SPOCK3: variants seen among roughly 807,000 people sequenced by gnomAD.
SPOCK3 encodes testican-3.
A neutral mutation model predicts 56.6 loss-of-function variants in SPOCK3; 30 were observed. The ratio of observed to expected loss-of-function variants is 0.53; its 90% CI spans 0.40 to 0.72. The LOEUF is 0.72. SPOCK3 is among the 30% of genes least tolerant of loss of function. The pLI is 0.00. For missense variants in SPOCK3, 527 were observed against 530.0 expected, an observed-to-expected ratio of 0.99 and a Z score of 0.06; for synonymous variants, 196 against 183.3, an observed-to-expected ratio of 1.07 and a Z score of -0.56.
chr4:167,138,440 CTT>C (rs1763285707), intron 2 of SPOCK3, among the ~76,000 whole-genome samples: 1 of 151,764 alleles, frequency 6.6e-6, no homozygotes, highest in Admixed American at 6.6e-5. Context: ...TATACAGAGA[CTT>C]TTAGAGGTGA....
intron 3 of SPOCK3, 62 bp from the exon 4 acceptor site, chr4:167,000,525 A>G: frequency 1.3e-6 from 1 of 766,014 alleles, no homozygotes; most frequent in Non-Finnish European, 2.2e-6. Flanking sequence ...ATCAAATCCC[A>G]TCAAACACAA....
At chr4:166,821,958 T>C (rs2126763853) in intron 6 of SPOCK3, among the ~76,000 whole-genome samples, 1 of 152,196 alleles carries the variant, frequency 6.6e-6, no homozygotes, top group East Asian at 1.9e-4. Flanking sequence ...CAATTAACTA[T>C]CAAATATGTG....
At chr4:167,028,974 A>G (rs1751992560) in intron 3 of SPOCK3, among the ~76,000 whole-genome samples, 1 of 151,960 alleles carries the variant, frequency 6.6e-6, no homozygotes, top group Admixed American at 6.6e-5. Context: ...CAGGTTTGTT[A>G]TATAGGTAAA....
At chr4:166,873,031 C>T (rs1031947185) in intron 6 of SPOCK3, among the ~76,000 whole-genome samples, 6 of 152,190 alleles carry the variant, frequency 3.9e-5, no homozygotes, top group African/African-American at 9.6e-5. Context: ...AGCTCATTCA[C>T]GCCTTTCGGA....
At chr4:166,934,462 C>T (rs1363509204) in intron 4 of SPOCK3, among the ~76,000 whole-genome samples, 1 of 151,828 alleles carries the variant, frequency 6.6e-6, no homozygotes, top group Admixed American at 6.6e-5. Context: ...CGCGCCACTG[C>T]GCTTCAGCCT....
At chr4:167,080,233 G>C (rs1757584559) in intron 2 of SPOCK3, among the ~76,000 whole-genome samples, 1 of 152,050 alleles carries the variant, frequency 6.6e-6, no homozygotes, top group Non-Finnish European at 1.5e-5. Context: ...TTTGCCATCA[G>C]TATTGTCTGA....
chr4:166,814,959 A>T (rs574711171), intron 6 of SPOCK3, among the ~76,000 whole-genome samples: 65 of 152,230 alleles, frequency 4.3e-4, no homozygotes, highest in Non-Finnish European at 7.6e-4. Flanking sequence ...GGACTCAATG[A>T]TGGCTGATAT....
intron 6 of SPOCK3, among the ~76,000 whole-genome samples, chr4:166,806,549 T>C (rs958620728): frequency 1.3e-5 from 2 of 152,000 alleles, no homozygotes; most frequent in Non-Finnish European, 2.9e-5. Context: ...CATGAAAATA[T>C]TATTTTTTAT....
chr4:166,859,276 TAAG>T (rs1228057984), intron 6 of SPOCK3, among the ~76,000 whole-genome samples: 1 of 152,130 alleles, frequency 6.6e-6, no homozygotes, highest in Non-Finnish European at 1.5e-5. Flanking sequence ...GTTCTGTTAT[TAAG>T]TATTATAAAA....
At chr4:166,873,138 C>T (rs893045781) in intron 6 of SPOCK3, among the ~76,000 whole-genome samples, 1 of 150,856 alleles carries the variant, frequency 6.6e-6, no homozygotes, top group African/African-American at 2.4e-5. Context: ...CAAATTTCAA[C>T]ATGAGTTTTG....
At chr4:167,090,792 C>T (rs190512162) in intron 2 of SPOCK3, among the ~76,000 whole-genome samples, 5 of 152,200 alleles carry the variant, frequency 3.3e-5, no homozygotes, top group Middle Eastern at 6.8e-3. Flanking sequence ...CATGAGCCAC[C>T]GAGCTCAGCT....
At chr4:166,893,858 T>C (rs1332468255) in intron 5 of SPOCK3, among the ~76,000 whole-genome samples, 1 of 152,120 alleles carries the variant, frequency 6.6e-6, no homozygotes, top group African/African-American at 2.4e-5. Flanking sequence ...ATAAACAGCA[T>C]TCCTCATATT....
At chr4:166,800,504 G>C (rs569915031) in intron 6 of SPOCK3, among the ~76,000 whole-genome samples, 1 of 152,182 alleles carries the variant, frequency 6.6e-6, no homozygotes, top group Non-Finnish European at 1.5e-5. Flanking sequence ...AAGATGTGGA[G>C]GTGGAAGACA....
At chr4:166,864,251 G>C (rs182274950) in intron 6 of SPOCK3, among the ~76,000 whole-genome samples, 1 of 152,006 alleles carries the variant, frequency 6.6e-6, no homozygotes, top group African/African-American at 2.4e-5. Context: ...AAGAGACAAC[G>C]TACCAGAATC....
At chr4:166,975,889 T>C (rs1232140920) in intron 4 of SPOCK3, among the ~76,000 whole-genome samples, 1 of 152,134 alleles carries the variant, frequency 6.6e-6, no homozygotes, top group Non-Finnish European at 1.5e-5. Context: ...TGTGTATATG[T>C]ACCACATTTT....
chr4:167,023,686 A>G (rs1347526104), intron 3 of SPOCK3, among the ~76,000 whole-genome samples: 1 of 151,944 alleles, frequency 6.6e-6, no homozygotes, highest in African/African-American at 2.4e-5. Flanking sequence ...TGCTCCAGGC[A>G]TGGTTCTGTA....
At position 167,149,127 on chromosome 4, in the gene SPOCK3, T is replaced by A. The variant is rs558390854; in HGVS notation, c.189+84858A>T. 3.2e-4 allele frequency among the ~76,000 whole-genome samples: 49 copies of A among 152,228 alleles called. 1 individual carries two copies. In the South Asian group the frequency reaches 9.9e-3, roughly 31 times the overall value. ...AAGCCATGTGACCACAAGAGCAATA[T>A]CTGCTTTTGGTCTAAAGGATATTTG... On this transcript the variant is annotated intron_variant, in intron 2 of 10. Transcript: ENST00000357545.
At chr4:167,048,795 T>C (rs989243047) in intron 3 of SPOCK3, among the ~76,000 whole-genome samples, 6 of 152,188 alleles carry the variant, frequency 3.9e-5, no homozygotes, top group African/African-American at 1.4e-4. Flanking sequence ...TCTTCATTCA[T>C]TTTTATTTAT....
chr4:166,899,508 C>CTTTTTTTTTTTTTTTTTT (rs781766258), intron 5 of SPOCK3, among the ~76,000 whole-genome samples: 45 of 119,100 alleles, frequency 3.8e-4, no homozygotes, highest in Non-Finnish European at 5.6e-4. Context: ...TTCTTTCTTT[C>CTTTTTTTTTTTTTTTTTT]TTTTTTTTTT....
Sources: gnomAD v4.1 joint callset for allele counts (sites outside exome capture counted in the v4.1 genomes callset) on GRCh38, gnomAD v4.1.1 for gene constraint, MANE v1.5 for transcripts, NCBI Gene and HGNC (gene_info 2026-07-23, HGNC 2026-07-21) for gene names.